The following NF2 variants were observed in gnomAD, a reference collection of about 807,000 sequenced individuals.
The protein encoded by NF2 is merlin.
NF2 carries 8 observed loss-of-function variants against 83.7 expected under a neutral mutation model. The ratio of observed to expected loss-of-function variants is 0.10; its 90% CI spans 0.06 to 0.17. The LOEUF (loss-of-function observed/expected upper bound fraction) is 0.17, where lower values mean the gene tolerates loss of function less well. Among genes scored for constraint, NF2 ranks in the 10% least tolerant of loss-of-function variants. The pLI is 1.00. For missense variants in NF2, 533 were observed against 744.4 expected (o/e 0.72, Z 3.31); for synonymous variants, 266 against 269.6 (o/e 0.99, Z 0.13).
At chr22:29,683,879 G>A (rs1315339752) in intron 15 of NF2, 2 of 1,050,030 alleles carry the variant, frequency 1.9e-6, no homozygotes, top group African/African-American at 3.3e-5. Context: ...TGGAGAGAAT[G>A]TATTTTGCCC....
intron 1 of NF2, among the ~76,000 whole-genome samples, chr22:29,624,857 CTTTCTTTCTT>C (rs1569272886): frequency 3.8e-5 from 5 of 130,068 alleles, no homozygotes; most frequent in African/African-American, 1.5e-4. Flanking sequence ...TTCTTTCTTT[CTTTCTTTCTT>C]TCTCTTTCTC....
chr22:29,645,221 A>G (rs1197035351), intron 4 of NF2, among the ~76,000 whole-genome samples: 2 of 152,150 alleles, frequency 1.3e-5, no homozygotes, highest in African/African-American at 4.8e-5. Context: ...GGCTCATGTA[A>G]TATTTGCTGA....
chr22:29,625,897 G>A (rs2065354531), intron 1 of NF2, among the ~76,000 whole-genome samples: 1 of 152,162 alleles, frequency 6.6e-6, no homozygotes, highest in Admixed American at 6.6e-5. Flanking sequence ...CTCTTAGTGA[G>A]TTATGTTGCT....
At chr22:29,651,990 T>C (rs1469272314) in intron 4 of NF2, among the ~76,000 whole-genome samples, 2 of 152,134 alleles carry the variant, frequency 1.3e-5, no homozygotes, top group African/African-American at 4.8e-5. Flanking sequence ...AGGATGGCAA[T>C]AATAATAATA....
Position 29,695,077 on chromosome 22 carries a change from G to A in NF2, c.*275G>A. On this transcript the variant is annotated 3_prime_UTR_variant, in exon 16 of 16. Transcript: ENST00000338641. This position sits in a 1 kb window ranked among gnomAD's most constrained non-coding sequence, Gnocchi z 5.4. ...TTCCTTTGTCTAATGTGGGATTCCT[G>A]ACTCCCTTCGTCCAAGGCACCGGTG... The A allele has an allele frequency of 1.8e-6, 1 of 556,332 alleles. No individual in the cohort carries two copies. The highest frequency in any genetic ancestry group is 3.2e-6 in the Non-Finnish European group (1 of 309,114). 34.5% of individuals were successfully genotyped at this position (556,332 alleles called of 1,614,324 possible). A position where few individuals can be genotyped will look rare whatever the true frequency, so the allele number is the denominator to read the frequency against.
chr22:29,628,924 C>T (rs971094757), intron 1 of NF2, among the ~76,000 whole-genome samples: 1 of 152,150 alleles, frequency 6.6e-6, no homozygotes, highest in Non-Finnish European at 1.5e-5. Context: ...AGCCACTGCG[C>T]CTGGCCTCCA....
At chr22:29,659,963 C>T (rs552348074) in intron 7 of NF2, among the ~76,000 whole-genome samples, 1 of 152,330 alleles carries the variant, frequency 6.6e-6, no homozygotes, top group African/African-American at 2.4e-5. Context: ...ACTCACTCCT[C>T]AGTCTGATAT....
intron 4 of NF2, among the ~76,000 whole-genome samples, chr22:29,643,485 G>A (rs991340854): frequency 3.3e-5 from 5 of 152,082 alleles, no homozygotes; most frequent in Admixed American, 1.3e-4. Flanking sequence ...AGGGAGTGGT[G>A]ATGACTCTTA....
At chr22:29,610,697 A>G (rs1205637907) in intron 1 of NF2, among the ~76,000 whole-genome samples, 2 of 152,026 alleles carry the variant, frequency 1.3e-5, no homozygotes, top group South Asian at 4.1e-4. Context: ...GCCTGTACCT[A>G]CTAGAGGTCC....
At chr22:29,632,402 C>T (rs1486081795) in intron 1 of NF2, among the ~76,000 whole-genome samples, 3 of 152,282 alleles carry the variant, frequency 2.0e-5, no homozygotes, top group African/African-American at 7.2e-5. Flanking sequence ...CATTTCCCTA[C>T]CTGCCCAGGA....
chr22:29,674,213 G>C (rs1003240554), intron 12 of NF2, among the ~76,000 whole-genome samples: 4 of 152,202 alleles, frequency 2.6e-5, no homozygotes, highest in African/African-American at 9.7e-5. Flanking sequence ...TGCCTGCCCT[G>C]CTTCAGGCCC....
intron 1 of NF2, chr22:29,609,349 A>G: frequency 3.2e-6 from 2 of 632,274 alleles, no homozygotes; most frequent in Non-Finnish European, 6.1e-6. Flanking sequence ...TCGCTGGTGG[A>G]ATAGATCCTG....
intron 4 of NF2, 46 bp downstream of exon 4, chr22:29,642,331 G>T (rs2146895966): frequency 6.7e-7 from 1 of 1,491,088 alleles, no homozygotes. Context: ...CGTTAATTTG[G>T]GTCATGGGAT....
At chr22:29,675,711 C>T (rs2066941750) in intron 13 of NF2, among the ~76,000 whole-genome samples, 1 of 152,032 alleles carries the variant, frequency 6.6e-6, no homozygotes, top group Non-Finnish European at 1.5e-5. Context: ...CAGATGCACA[C>T]ATGGCCCAGA....
chr22:29,644,917 G>A (rs552810655), intron 4 of NF2, among the ~76,000 whole-genome samples: 7 of 150,452 alleles, frequency 4.7e-5, no homozygotes, highest in African/African-American at 1.7e-4. Context: ...CGTGGAAAGA[G>A]AGGGAGAGGG....
intron 15 of NF2, chr22:29,683,082 ACT>A (rs1324288815): frequency 1.9e-6 from 3 of 1,613,868 alleles, no homozygotes; most frequent in East Asian, 2.2e-5. Context: ...GTTCCCAGGT[ACT>A]CTCTATGTGG....
At chr22:29,604,584 T>G (rs1028579374) in intron 1 of NF2, among the ~76,000 whole-genome samples, 1 of 152,222 alleles carries the variant, frequency 6.6e-6, no homozygotes, top group Non-Finnish European at 1.5e-5. Flanking sequence ...TCCAACATGA[T>G]GATAACAGCT....
chr22:29,682,072 CCT>C (rs2147125560), intron 15 of NF2, among the ~76,000 whole-genome samples: 1 of 152,200 alleles, frequency 6.6e-6, no homozygotes, highest in East Asian at 1.9e-4. Context: ...TAGGAAAGAA[CCT>C]CTTTGTTTTA....
chr22:29,643,040 A>G (rs1025223526), intron 4 of NF2, among the ~76,000 whole-genome samples: 4 of 151,672 alleles, frequency 2.6e-5, no homozygotes, highest in African/African-American at 9.7e-5. Context: ...TCAGTCATAT[A>G]TCACCTTCTC....
Sources: allele counts gnomAD v4.1 joint callset (sites outside exome capture counted in the v4.1 genomes callset), GRCh38; gene constraint gnomAD v4.1.1; non-coding constraint Gnocchi (gnomAD v3.1); transcripts MANE v1.5; gene names NCBI Gene and HGNC (gene_info 2026-07-23, HGNC 2026-07-21).